DMXL1: variants seen among roughly 807,000 people sequenced by gnomAD.
DMXL1 encodes the protein Dmx like 1, also known as dmX-like protein 1.
A neutral mutation model predicts 319.2 loss-of-function variants in DMXL1; 99 were observed. The observed-to-expected ratio is 0.31, with a 90% CI of 0.26 to 0.37. The LOEUF is 0.37. Ranked by LOEUF, DMXL1 falls within the 10% of genes least tolerant of loss-of-function variation. The pLI is 1.00. For missense variants in DMXL1, 3,745 were observed against 3,595.6 expected (o/e 1.04, Z -1.06); for synonymous variants, 1,385 against 1,235.2 (o/e 1.12, Z -2.54).
At chr5:119,198,603 A>G (rs1037800890) in intron 32 of DMXL1, among the ~76,000 whole-genome samples, 1 of 152,208 alleles carries the variant, frequency 6.6e-6, no homozygotes, top group Non-Finnish European at 1.5e-5. Context: ...AATTACCAAC[A>G]TCATTCTTAA....
intron 25 of DMXL1, among the ~76,000 whole-genome samples, chr5:119,173,371 T>G: frequency 6.7e-6 from 1 of 149,946 alleles, no homozygotes. Flanking sequence ...AAAAAAACTG[T>G]CCTGAAACAT....
intron 9 of DMXL1, among the ~76,000 whole-genome samples, chr5:119,124,725 C>G (rs1274532364): frequency 6.6e-6 from 1 of 151,904 alleles, no homozygotes; most frequent in Non-Finnish European, 1.5e-5. Flanking sequence ...GCCACCATGC[C>G]TGGCTAATTT....
intron 13 of DMXL1, among the ~76,000 whole-genome samples, chr5:119,140,175 A>T (rs1473092596): frequency 6.6e-6 from 1 of 152,202 alleles, no homozygotes; most frequent in East Asian, 1.9e-4. Flanking sequence ...AGTCAGAAAG[A>T]TCTCAAACTA....
intron 34 of DMXL1, among the ~76,000 whole-genome samples, chr5:119,210,757 G>GTTTTTTTTTTTTTTTTTTTTCTTT: frequency 3.3e-5 from 3 of 89,778 alleles, no homozygotes; most frequent in Admixed American, 1.5e-4. Context: ...TTTTTCTTTC[G>GTTTTTTTTTTTTTTTTTTTTCTTT]TTTTTTTTTT....
intron 34 of DMXL1, among the ~76,000 whole-genome samples, chr5:119,211,922 T>C (rs1782869118): frequency 1.3e-5 from 2 of 152,334 alleles, no homozygotes; most frequent in East Asian, 1.9e-4. Flanking sequence ...GCTTCTCTAA[T>C]TGAAATATTC....
At position 119,177,321 on chromosome 5, in the gene DMXL1, T is replaced by A. The variant is rs763232917; in HGVS notation, c.6759-36T>A. ...TGAAACATGAAAATATTATATAAAA[T>A]TTATCATAGATTTAAATATTGTTTT... On this transcript the variant is annotated intron_variant, in intron 26 of 43. Coordinates refer to ENST00000539542, the MANE Select transcript of DMXL1 (RefSeq NM_001290321.3). 1.5e-6 allele frequency: 2 copies of A among 1,365,872 alleles called. 1 individual carries two copies. Among genetic ancestry groups the A allele is most frequent in the South Asian group, 3.2e-5 (2 of 62,846 alleles). The allele number at this position is 1,365,872 out of a possible 1,614,324, so 84.6% of individuals were successfully genotyped here. A position where few individuals can be genotyped will look rare whatever the true frequency, so the allele number is the denominator to read the frequency against.
chr5:119,162,057 C>G (rs1386576767), intron 19 of DMXL1, among the ~76,000 whole-genome samples: 1 of 152,176 alleles, frequency 6.6e-6, no homozygotes, highest in African/African-American at 2.4e-5. Context: ...TTTTAGAACA[C>G]TGGGGAAGCT....
chr5:119,148,590 A>G (rs1468170539), intron 17 of DMXL1, 149 bp from the exon 18 acceptor site: 3 of 696,256 alleles, frequency 4.3e-6, no homozygotes, highest in Admixed American at 5.8e-5. Flanking sequence ...GCTGTCTATT[A>G]TGCAGTTTAA....
intron 19 of DMXL1, among the ~76,000 whole-genome samples, chr5:119,152,251 T>G (rs1341690861): frequency 1.3e-5 from 2 of 152,194 alleles, no homozygotes. Flanking sequence ...TGAAGAAACA[T>G]ACTGGAGATG....
In DMXL1 at chr5:119,149,183, A is replaced by G. The variant is rs528594887; in HGVS notation, c.3356A>G (p.Tyr1119Cys). 5.6e-6 allele frequency: 9 copies of G among 1,613,888 alleles called. No homozygotes were observed. Among genetic ancestry groups the G allele is most frequent in the South Asian group, 4.4e-5 (4 of 91,080 alleles). ...AGTGTTGATAGCAATTTAGTGGCCT[A>G]TAATAAACAAGACATGTATTTATCT... ...GISVDSNLVAYNKQDMYLSSK... is the reference protein window; with the variant it reads ...GISVDSNLVACNKQDMYLSSK... The change falls in exon 18 of 44, where the codon TAT becomes TGT. Residue 1119 changes from tyrosine to cysteine, a missense_variant. Transcript: ENST00000539542.
intron 13 of DMXL1, among the ~76,000 whole-genome samples, chr5:119,137,791 T>A (rs557436706): frequency 1.3e-5 from 2 of 152,338 alleles, no homozygotes; most frequent in East Asian, 3.9e-4. Flanking sequence ...GTGAGTCTGT[T>A]AAAATTACCC....
At position 119,149,956 on chromosome 5, in the gene DMXL1, A is replaced by G. The variant is rs775710410; in HGVS notation, c.4129A>G (p.Ser1377Gly). The change falls in exon 18 of 44, where the codon AGT becomes GGT. Residue 1377 changes from serine to glycine, a missense_variant. This residue lies in a region of DMXL1 where 2,096 missense variants were observed against 1,985.4 expected (regional missense o/e 1.06). Coordinates refer to ENST00000539542, the MANE Select transcript of DMXL1 (RefSeq NM_001290321.3). ...HERRLRSLTI[S>G]ASGSTTRDPQ... ...ACGCCGCCTTAGGTCTCTCACAATC[A>G]GTGCTAGTGGAAGCACTACCAGAGA... 1.2e-5 allele frequency: 20 copies of G among 1,613,794 alleles called. No homozygotes were observed. In the East Asian group the frequency reaches 4.0e-4, roughly 32 times the overall value.
At chr5:119,209,581 C>T (rs926971942) in intron 34 of DMXL1, among the ~76,000 whole-genome samples, 1 of 152,126 alleles carries the variant, frequency 6.6e-6, no homozygotes, top group Non-Finnish European at 1.5e-5. Flanking sequence ...CTTCTGGGCT[C>T]AAGCAGTCTT....
intron 28 of DMXL1, among the ~76,000 whole-genome samples, chr5:119,178,892 AT>A (rs1776307447): frequency 6.6e-6 from 1 of 151,462 alleles, no homozygotes; most frequent in South Asian, 2.1e-4. Context: ...CTGCTTTTAA[AT>A]TCTTTGTTTT....
chr5:119,162,782 T>G (rs1004598668), intron 19 of DMXL1, among the ~76,000 whole-genome samples: 2 of 152,344 alleles, frequency 1.3e-5, no homozygotes, highest in East Asian at 3.9e-4. Flanking sequence ...GCTGGAGAGA[T>G]AACAGGAATC....
chr5:119,126,349 A>G (rs755032811), intron 9 of DMXL1, among the ~76,000 whole-genome samples: 27 of 152,214 alleles, frequency 1.8e-4, no homozygotes, highest in South Asian at 6.2e-4. Flanking sequence ...TGGAACGTTT[A>G]TATTATAATT....
intron 19 of DMXL1, among the ~76,000 whole-genome samples, chr5:119,159,817 T>C (rs867672496): frequency 4.6e-5 from 7 of 152,254 alleles, no homozygotes; most frequent in Admixed American, 6.5e-5. Context: ...AGAAACAGGG[T>C]TTTGCCATGT....
At chr5:119,216,423 C>T (rs928110137) in intron 34 of DMXL1, among the ~76,000 whole-genome samples, 4 of 152,146 alleles carry the variant, frequency 2.6e-5, no homozygotes, top group Non-Finnish European at 5.9e-5. Flanking sequence ...GGCCAAATCT[C>T]ACCTGCTTCT....
rs186670962 is a variant in DMXL1 at position 119,185,018 on chromosome 5, A to T, written c.7136-4690A>T. On this transcript the variant is annotated intron_variant, in intron 28 of 43. Coordinates refer to ENST00000539542, the MANE Select transcript of DMXL1 (RefSeq NM_001290321.3). ...AAACATGCTTGACCAAATTCTCAAT[A>T]TATGTATATTGATGTCTACTACTAT... Among the ~76,000 whole-genome samples, 410 of 152,292 alleles carry T rather than the reference A, an allele frequency of 2.7e-3. 2 individuals are homozygous for T. Among genetic ancestry groups the T allele is most frequent in the African/African-American group, 9.1e-3 (378 of 41,556 alleles).
Sources: gnomAD v4.1 joint callset for allele counts (sites outside exome capture counted in the v4.1 genomes callset) on GRCh38, gnomAD v4.1.1 for gene constraint, gnomAD v4.1.1 regional missense constraint, MANE v1.5 for transcripts, NCBI Gene and HGNC (gene_info 2026-07-23, HGNC 2026-07-21) for gene names.